Variants in SMIM35 observed in about 807,000 individuals in gnomAD.
SMIM35 encodes small integral membrane protein 35.
intron 1 of SMIM35, among the ~76,000 whole-genome samples, chr11:118,068,747 G>T (rs1443211020): frequency 1.3e-5 from 2 of 152,194 alleles, no homozygotes; most frequent in Non-Finnish European, 2.9e-5. Flanking sequence ...ACTGGGAAAA[G>T]CGAGAAACCC....
At chr11:118,023,830 C>G (rs562362456) in intron 1 of SMIM35, among the ~76,000 whole-genome samples, 4 of 151,922 alleles carry the variant, frequency 2.6e-5, no homozygotes, top group Non-Finnish European at 5.9e-5. Context: ...GTCAGGAGTT[C>G]CAGACGAGCC....
intron 1 of SMIM35, among the ~76,000 whole-genome samples, chr11:118,064,202 G>A (rs778803110): frequency 3.3e-5 from 5 of 152,240 alleles, no homozygotes; most frequent in Non-Finnish European, 7.3e-5. Context: ...AGTCTATTGC[G>A]TTGATGATTG....
At chr11:118,038,453 T>C (rs1050686400) in intron 1 of SMIM35, among the ~76,000 whole-genome samples, 1 of 152,194 alleles carries the variant, frequency 6.6e-6, no homozygotes, top group Admixed American at 6.5e-5. Flanking sequence ...AATGTTACTT[T>C]TCTATATGAT....
At chr11:118,078,114 T>C (rs566862103) in intron 1 of SMIM35, among the ~76,000 whole-genome samples, 8 of 151,578 alleles carry the variant, frequency 5.3e-5, no homozygotes, top group Middle Eastern at 3.2e-3. Context: ...CATCTTTTAC[T>C]TGGTCTCTTT....
chr11:118,060,880 GC>G (rs1228752442), intron 1 of SMIM35, among the ~76,000 whole-genome samples: 1 of 152,144 alleles, frequency 6.6e-6, no homozygotes, highest in East Asian at 1.9e-4. Context: ...ACCCACCCTG[GC>G]CCCCTTTTAA....
intron 1 of SMIM35, among the ~76,000 whole-genome samples, chr11:118,016,600 C>T (rs2058185255): frequency 6.6e-6 from 1 of 152,160 alleles, no homozygotes; most frequent in Non-Finnish European, 1.5e-5. Context: ...TGCCAAGAGG[C>T]CAGGAGGTGC....
At chr11:118,056,833 T>C (rs911136727) in intron 1 of SMIM35, among the ~76,000 whole-genome samples, 4 of 152,024 alleles carry the variant, frequency 2.6e-5, no homozygotes, top group African/African-American at 9.7e-5. Context: ...TTTGCAGAAG[T>C]AGCAACGGAG....
At chr11:118,043,058 C>CAG (rs1277695845) in intron 1 of SMIM35, among the ~76,000 whole-genome samples, 1 of 152,208 alleles carries the variant, frequency 6.6e-6, no homozygotes, top group East Asian at 1.9e-4. Context: ...TGGTAAAAGG[C>CAG]AGATGTTTTC....
At chr11:118,031,639 T>C (rs2058320684) in intron 1 of SMIM35, among the ~76,000 whole-genome samples, 1 of 152,088 alleles carries the variant, frequency 6.6e-6, no homozygotes, top group South Asian at 2.1e-4. Flanking sequence ...ATTAATTAAT[T>C]AATTAATTAA....
At chr11:118,006,646 C>T (rs2058123478) in intron 4 of SMIM35, among the ~76,000 whole-genome samples, 1 of 152,122 alleles carries the variant, frequency 6.6e-6, no homozygotes, top group African/African-American at 2.4e-5. Flanking sequence ...AGCATAGTAT[C>T]CAAACATGAG....
Position 118,082,715 on chromosome 11 carries a change from GA to G in SMIM35, c.7+4035del, listed in dbSNP as rs914753756. ...AGTTTCATACCCAATGCTGCTCAGG[GA>G]AAAAAAAACCCAAATTACCAGGAGA... On this transcript the variant is annotated intron_variant, in intron 1 of 4. Transcript: ENST00000689828. 5.6e-3 allele frequency among the ~76,000 whole-genome samples: 850 copies of G among 150,628 alleles called. 8 individuals are homozygous for G. The highest frequency in any genetic ancestry group is 0.02 in the African/African-American group (818 of 41,040).
intron 1 of SMIM35, among the ~76,000 whole-genome samples, chr11:118,020,266 A>G (rs1461363855): frequency 6.6e-6 from 1 of 152,192 alleles, no homozygotes; most frequent in East Asian, 1.9e-4. Context: ...ACTCCATCAT[A>G]ACTAACTGAC....
At chr11:118,031,312 T>C (rs578118882) in intron 1 of SMIM35, among the ~76,000 whole-genome samples, 1 of 152,318 alleles carries the variant, frequency 6.6e-6, no homozygotes. Flanking sequence ...ACCACTAAGA[T>C]CTTGGCTTCT....
At chr11:118,058,323 C>T (rs1339521987) in intron 1 of SMIM35, among the ~76,000 whole-genome samples, 1 of 152,166 alleles carries the variant, frequency 6.6e-6, no homozygotes, top group African/African-American at 2.4e-5. Context: ...TTGCACTGAG[C>T]TTTCTCTCCT....
chr11:118,008,650 G>A (rs2058134931), intron 4 of SMIM35, among the ~76,000 whole-genome samples: 2 of 152,180 alleles, frequency 1.3e-5, no homozygotes, highest in Admixed American at 6.5e-5. Flanking sequence ...TCAAGGATGG[G>A]GAGAGATCAA....
At chr11:118,078,917 G>A (rs1020353571) in intron 1 of SMIM35, among the ~76,000 whole-genome samples, 9 of 152,168 alleles carry the variant, frequency 5.9e-5, no homozygotes, top group Non-Finnish European at 4.4e-5. Flanking sequence ...ATGTGAGTAG[G>A]TTCTGGAAAC....
At chr11:118,075,980 C>T (rs536506491) in intron 1 of SMIM35, among the ~76,000 whole-genome samples, 1 of 152,354 alleles carries the variant, frequency 6.6e-6, no homozygotes, top group Admixed American at 6.5e-5. Flanking sequence ...CAGAAATGAT[C>T]CTGTGGGGCT....
At chr11:118,042,659 G>T (rs675855) in intron 1 of SMIM35, among the ~76,000 whole-genome samples, 3,497 of 152,190 alleles carry the variant, frequency 0.023, 62 homozygotes, top group Non-Finnish European at 0.034. Flanking sequence ...CACAAGAAAA[G>T]AAAACCAGAG....
intron 1 of SMIM35, among the ~76,000 whole-genome samples, chr11:118,055,080 C>T (rs947386660): frequency 2.0e-5 from 3 of 152,196 alleles, no homozygotes; most frequent in African/African-American, 7.2e-5. Context: ...GCTGGGGTTA[C>T]AGGCGTGAGC....
Sources: allele counts gnomAD v4.1 joint callset (sites outside exome capture counted in the v4.1 genomes callset), GRCh38; gene constraint gnomAD v4.1.1; transcripts MANE v1.5; gene names NCBI Gene and HGNC (gene_info 2026-07-23, HGNC 2026-07-21).